Variants in PCDH15 observed in about 807,000 individuals in gnomAD.
PCDH15 encodes the protein protocadherin related 15.
A neutral mutation model predicts 178.5 loss-of-function variants in PCDH15; 129 were observed. That is an observed-to-expected ratio of 0.72 (90% CI 0.63 to 0.84). The LOEUF (loss-of-function observed/expected upper bound fraction) is 0.84. Among genes scored for constraint, PCDH15 ranks in the 40% least tolerant of loss-of-function variants. The pLI is 0.00. For synonymous variants in PCDH15, 800 were observed against 732.0 expected (o/e 1.09, Z -1.50); for missense variants, 2,230 against 2,099.9 (o/e 1.06, Z -1.21).
intron 2 of PCDH15, among the ~76,000 whole-genome samples, chr10:55,531,830 G>A (rs1841460892): frequency 6.6e-6 from 1 of 152,004 alleles, no homozygotes; most frequent in Non-Finnish European, 1.5e-5. Context: ...TGTTAATACA[G>A]CAAGTGATAG....
intron 9 of PCDH15, among the ~76,000 whole-genome samples, chr10:54,222,148 C>T (rs917990942): frequency 1.3e-5 from 2 of 152,128 alleles, no homozygotes; most frequent in Non-Finnish European, 2.9e-5. Context: ...TCTATGCTTT[C>T]ATTTATCTTG....
At chr10:55,058,717 A>G (rs1266493050) in intron 2 of PCDH15, among the ~76,000 whole-genome samples, 4 of 152,142 alleles carry the variant, frequency 2.6e-5, no homozygotes, top group Non-Finnish European at 4.4e-5. Context: ...GAAAATGGAA[A>G]TATTCTCTCC....
chr10:54,378,712 T>C, intron 4 of PCDH15, 70 bp downstream of exon 4: 1 of 1,505,232 alleles, frequency 6.6e-7, no homozygotes, highest in Non-Finnish European at 9.2e-7. Context: ...CAATATCATA[T>C]AAACACACAC....
At chr10:54,009,525 T>C (rs1368797955) in intron 20 of PCDH15, among the ~76,000 whole-genome samples, 1 of 152,096 alleles carries the variant, frequency 6.6e-6, no homozygotes, top group African/African-American at 2.4e-5. Context: ...CCAAGAGAAC[T>C]AACTAGAGGG....
At chr10:53,854,992 T>C (rs1183912205) in intron 28 of PCDH15, among the ~76,000 whole-genome samples, 1 of 152,052 alleles carries the variant, frequency 6.6e-6, no homozygotes, top group Non-Finnish European at 1.5e-5. Flanking sequence ...ATTAAAATCT[T>C]ATAAATTCCT....
chr10:55,541,154 T>C (rs1295632668), intron 2 of PCDH15, among the ~76,000 whole-genome samples: 2 of 152,052 alleles, frequency 1.3e-5, no homozygotes, highest in Non-Finnish European at 2.9e-5. Flanking sequence ...TTACTTTGTT[T>C]CTGAAAGTAA....
At chr10:55,471,954 G>A (rs931897904) in intron 2 of PCDH15, among the ~76,000 whole-genome samples, 1 of 152,146 alleles carries the variant, frequency 6.6e-6, no homozygotes, top group African/African-American at 2.4e-5. Flanking sequence ...GTGACTCACG[G>A]CCAATATGGA....
chr10:54,259,255 A>G (rs2043993), intron 8 of PCDH15, among the ~76,000 whole-genome samples: 104,270 of 152,082 alleles, frequency 0.69, 36,727 homozygotes, highest in Middle Eastern at 0.76. Flanking sequence ...CCTCTTGCCA[A>G]TGTACTGATT....
chr10:53,852,357 C>G (rs1349965232), intron 28 of PCDH15, among the ~76,000 whole-genome samples: 2 of 152,020 alleles, frequency 1.3e-5, no homozygotes, highest in African/African-American at 4.8e-5. Flanking sequence ...CGTCAGAGCA[C>G]AGATATTCAA....
chr10:53,831,181 A>T, intron 30 of PCDH15, 134 bp downstream of exon 30: 1 of 831,978 alleles, frequency 1.2e-6, no homozygotes, highest in South Asian at 1.4e-5. Context: ...TTGGTACGAG[A>T]TAGACAGACA....
At chr10:55,435,071 A>G (rs1218679293) in intron 2 of PCDH15, among the ~76,000 whole-genome samples, 1 of 152,230 alleles carries the variant, frequency 6.6e-6, no homozygotes, top group Non-Finnish European at 1.5e-5. Context: ...TAGTCAGGGA[A>G]AGAAGATGGA....
intron 5 of PCDH15, among the ~76,000 whole-genome samples, chr10:54,348,457 G>A (rs577484954): frequency 2.0e-5 from 3 of 152,238 alleles, no homozygotes; most frequent in Admixed American, 6.5e-5. Context: ...CTTCCAAGCT[G>A]ACGTTCAATA....
intron 2 of PCDH15, among the ~76,000 whole-genome samples, chr10:54,634,164 T>C (rs2093780889): frequency 6.7e-6 from 1 of 148,636 alleles, no homozygotes; most frequent in South Asian, 2.1e-4. Flanking sequence ...TGAAACTTTT[T>C]ATATGGTAAA....
intron 2 of PCDH15, among the ~76,000 whole-genome samples, chr10:55,567,393 C>G (rs1842323227): frequency 7.2e-6 from 1 of 138,110 alleles, no homozygotes; most frequent in African/African-American, 2.7e-5. Flanking sequence ...CTGACATTCA[C>G]AAAACAAAAT....
chr10:55,303,593 G>C (rs956713588), intron 1 of PCDH15, among the ~76,000 whole-genome samples: 13 of 151,988 alleles, frequency 8.6e-5, no homozygotes, highest in African/African-American at 3.1e-4. Flanking sequence ...CTAGTTATAG[G>C]GCTATTCAAA....
intron 2 of PCDH15, among the ~76,000 whole-genome samples, chr10:54,659,669 G>A (rs557686608): frequency 7.9e-5 from 12 of 151,452 alleles, no homozygotes; most frequent in Middle Eastern, 3.4e-3. Flanking sequence ...CAGGAAAATC[G>A]CTTGAATCTG....
At chr10:54,559,875 GAAAAGAAAA>G (rs1565597531) in intron 2 of PCDH15, among the ~76,000 whole-genome samples, 1 of 28,328 alleles carries the variant, frequency 3.5e-5, no homozygotes, top group Non-Finnish European at 9.9e-5. Context: ...AAAAAAAAAA[GAAAAGAAAA>G]GGTGGTTTGC....
chr10:54,071,694 G>A (rs2094245933), intron 17 of PCDH15, among the ~76,000 whole-genome samples: 1 of 152,072 alleles, frequency 6.6e-6, no homozygotes, highest in African/African-American at 2.4e-5. Context: ...CTCATGGTAT[G>A]TATAGGAATC....
intron 2 of PCDH15, among the ~76,000 whole-genome samples, chr10:54,901,166 C>A (rs928379535): frequency 6.6e-6 from 1 of 151,972 alleles, no homozygotes; most frequent in Admixed American, 6.6e-5. Context: ...AAAAAATTAG[C>A]CTGGTGTGGT....
Sources: gnomAD v4.1 joint callset for allele counts (sites outside exome capture counted in the v4.1 genomes callset) on GRCh38, gnomAD v4.1.1 for gene constraint, MANE v1.5 for transcripts, NCBI Gene and HGNC (gene_info 2026-07-23, HGNC 2026-07-21) for gene names.